Variants in TESMIN observed in about 807,000 individuals in gnomAD.
TESMIN encodes the protein CXC domain containing 2.
Under a neutral mutation model 47.4 loss-of-function variants are expected in TESMIN, and 34 were observed. That is an observed-to-expected ratio of 0.72 (90% CI 0.55 to 0.96). TESMIN has a LOEUF of 0.96. Among genes scored for constraint, TESMIN ranks in the 40% least tolerant of loss-of-function variants. The probability of loss-of-function intolerance (pLI) is 0.00; values close to 1 mark genes in which losing one functional copy is unlikely to be tolerated. For synonymous variants in TESMIN, 278 were observed against 258.9 expected (o/e 1.07, Z -0.71); for missense variants, 610 against 637.2 (o/e 0.96, Z 0.46).
At chr11:68,704,899 A>T (rs561163778), downstream of TESMIN, among the ~76,000 whole-genome samples, 1 of 152,348 alleles carries the variant, frequency 6.6e-6, no homozygotes, top group Non-Finnish European at 1.5e-5. Context: ...GTCATTTTTA[A>T]ATATATGAAG....
intron 6 of TESMIN, chr11:68,733,766 C>A (rs1003497935): frequency 6.6e-6 from 1 of 152,158 alleles, no homozygotes; most frequent in African/African-American, 2.4e-5. Flanking sequence ...GCTGGTTACT[C>A]CTTATATAGA....
chr11:68,750,155 G>C, intron 2 of TESMIN, 35 bp downstream of exon 2: 3 of 1,415,970 alleles, frequency 2.1e-6, no homozygotes, highest in Non-Finnish European at 2.8e-6. Context: ...AAGGGATGGA[G>C]GGGGAGCTGT....
chr11:68,738,895 C>T, intron 5 of TESMIN, 107 bp from the exon 6 acceptor site: 1 of 897,488 alleles, frequency 1.1e-6, no homozygotes, highest in East Asian at 2.7e-5. Flanking sequence ...TAAAGGTTTA[C>T]ATCACCATCC....
rs1458192755 is a variant in TESMIN, at chr11:68,716,407, T to G, written c.918-468A>C. ...AGTGAAAACTAATGGGACCCAGAGGTGGAACCTGGCCTAGGCCTTAACTCG... is the reference window on the plus strand; with the variant it reads ...AGTGAAAACTAATGGGACCCAGAGGGGGAACCTGGCCTAGGCCTTAACTCG... On this transcript the variant is annotated intron_variant, in intron 6 of 9. Coordinates refer to ENST00000255087, the MANE Select transcript of TESMIN (RefSeq NM_004923.3). Among the ~76,000 whole-genome samples, 3 of 152,144 alleles carry G rather than the reference T, an allele frequency of 2.0e-5. No individual in the cohort carries two copies. The South Asian group carries it at 6.2e-4, about 32-fold the overall frequency.
intron 6 of TESMIN, among the ~76,000 whole-genome samples, chr11:68,724,151 G>A (rs371688236): frequency 2.6e-5 from 4 of 152,162 alleles, no homozygotes; most frequent in Non-Finnish European, 5.9e-5. Flanking sequence ...CCTAAAGAGC[G>A]AAATCTTACA....
chr11:68,735,160 G>C (rs2153992056), intron 6 of TESMIN, among the ~76,000 whole-genome samples: 1 of 152,306 alleles, frequency 6.6e-6, no homozygotes, highest in South Asian at 2.1e-4. Flanking sequence ...TTGCCCTCAT[G>C]GGTGCCTAGA....
intron 1 of TESMIN, among the ~76,000 whole-genome samples, chr11:68,750,987 G>A (rs1406649121): frequency 5.5e-5 from 6 of 109,544 alleles, no homozygotes; most frequent in African/African-American, 2.2e-4. Context: ...CAGGGGAGGC[G>A]GTCAGGTGAG....
intron 1 of TESMIN, among the ~76,000 whole-genome samples, chr11:68,750,999 G>T (rs1297827286): frequency 2.6e-4 from 29 of 110,798 alleles, no homozygotes; most frequent in African/African-American, 9.3e-4. Flanking sequence ...TCAGGTGAGC[G>T]GCGACCAGGG....
chr11:68,710,321 G>T (rs1489932424), intron 9 of TESMIN, among the ~76,000 whole-genome samples: 1 of 152,022 alleles, frequency 6.6e-6, no homozygotes, highest in East Asian at 1.9e-4. Context: ...ACAAATGAAT[G>T]GAATCTAATA....
intron 6 of TESMIN, chr11:68,737,916 AAAAC>A: frequency 1.1e-5 from 10 of 930,246 alleles, no homozygotes; most frequent in Non-Finnish European, 1.2e-5. Context: ...CCGTCTCAAA[AAAAC>A]AAAACAAACA....
At chr11:68,740,551 G>A (rs902130594) in intron 5 of TESMIN, among the ~76,000 whole-genome samples, 1 of 152,164 alleles carries the variant, frequency 6.6e-6, no homozygotes, top group Non-Finnish European at 1.5e-5. Context: ...GAGAAAGGAA[G>A]GCCAGCAGCG....
intron 6 of TESMIN, among the ~76,000 whole-genome samples, chr11:68,731,361 A>G (rs1946324798): frequency 6.6e-6 from 1 of 152,126 alleles, no homozygotes; most frequent in Admixed American, 6.5e-5. Flanking sequence ...CCAGGGGGTC[A>G]AGGCTGCAGT....
intron 2 of TESMIN, among the ~76,000 whole-genome samples, chr11:68,747,780 T>C (rs1946540041): frequency 6.6e-6 from 1 of 152,148 alleles, no homozygotes; most frequent in African/African-American, 2.4e-5. Flanking sequence ...ACAACAAACA[T>C]GAAATGGTGG....
At chr11:68,712,375 C>T (rs538209194) in intron 8 of TESMIN, among the ~76,000 whole-genome samples, 1 of 152,344 alleles carries the variant, frequency 6.6e-6, no homozygotes, top group East Asian at 1.9e-4. Context: ...GGTCCACCTT[C>T]CCAGGTCTTT....
chr11:68,737,225 C>T lies in TESMIN; in HGVS notation c.917+1475G>A, dbSNP rs539715715. 49 of 985,220 alleles carry T rather than the reference C, an allele frequency of 5.0e-5. No individual in the cohort carries two copies. In the African/African-American group the frequency reaches 5.9e-4, roughly 12 times the overall value. The allele number at this position is 985,220 out of a possible 1,614,324, so 61.0% of individuals were successfully genotyped here. ...ACAATCATAGCAACTGCACCCTCAC[C>T]GATCCATCACACCCAGAGAGTGAAG... On this transcript the variant is annotated intron_variant, in intron 6 of 9. Transcript: ENST00000255087.
intron 7 of TESMIN, among the ~76,000 whole-genome samples, chr11:68,714,472 G>A (rs1481632355): frequency 6.6e-6 from 1 of 152,238 alleles, no homozygotes; most frequent in Non-Finnish European, 1.5e-5. Context: ...GCACCCCCGC[G>A]GGGAATGCTC....
At chr11:68,726,508 A>G (rs1946266163) in intron 6 of TESMIN, among the ~76,000 whole-genome samples, 1 of 152,248 alleles carries the variant, frequency 6.6e-6, no homozygotes, top group African/African-American at 2.4e-5. Context: ...GTTCCAAGCC[A>G]TAAGGAGAAA....
At chr11:68,738,049 T>C in intron 6 of TESMIN, 3 of 985,640 alleles carry the variant, frequency 3.0e-6, no homozygotes, top group Non-Finnish European at 3.6e-6. Flanking sequence ...CCCAAACCAC[T>C]GTTAATACAT....
At chr11:68,731,563 A>C (rs909314070) in intron 6 of TESMIN, among the ~76,000 whole-genome samples, 1 of 152,246 alleles carries the variant, frequency 6.6e-6, no homozygotes, top group African/African-American at 2.4e-5. Context: ...CACGCTAAGA[A>C]AATTACATTC....
Sources: allele counts gnomAD v4.1 joint callset (sites outside exome capture counted in the v4.1 genomes callset), GRCh38; gene constraint gnomAD v4.1.1; transcripts MANE v1.5; gene names NCBI Gene and HGNC (gene_info 2026-07-23, HGNC 2026-07-21).